Variants in ANKRD13C observed in about 807,000 individuals in gnomAD.
ANKRD13C encodes the protein ankyrin repeat domain-containing protein 13C.
Under a neutral mutation model 65.5 loss-of-function variants are expected in ANKRD13C, and 16 were observed. That is an observed-to-expected ratio of 0.24 (90% confidence interval 0.17 to 0.37). ANKRD13C has a LOEUF of 0.37. Among genes scored for constraint, ANKRD13C ranks in the 10% least tolerant of loss-of-function variants. ANKRD13C has a pLI of 1.00. For missense variants in ANKRD13C, 503 were observed against 655.9 expected (o/e 0.77, Z 2.55); for synonymous variants, 235 against 238.7 (o/e 0.98, Z 0.14).
intron 9 of ANKRD13C, among the ~76,000 whole-genome samples, chr1:70,284,850 TG>T (rs1159528769): frequency 3.9e-5 from 6 of 152,172 alleles, no homozygotes; most frequent in African/African-American, 1.4e-4. Flanking sequence ...AAAACTTTGT[TG>T]AGGTGTATAT....
At chr1:70,343,362 A>T (rs190024979) in intron 1 of ANKRD13C, among the ~76,000 whole-genome samples, 1 of 152,268 alleles carries the variant, frequency 6.6e-6, no homozygotes, top group East Asian at 1.9e-4. Context: ...TATGTCCTCA[A>T]CCTGCTGCTT....
intron 9 of ANKRD13C, among the ~76,000 whole-genome samples, chr1:70,281,467 A>T (rs1346230152): frequency 6.8e-6 from 1 of 147,232 alleles, no homozygotes; most frequent in Admixed American, 7.0e-5. Flanking sequence ...CAGTAACTCA[A>T]TCACACCAAA....
Position 70,354,700 on chromosome 1 carries a change from G to A in ANKRD13C, c.-292C>T, listed in dbSNP as rs1488084030. 4 of 745,264 alleles carry A rather than the reference G, an allele frequency of 5.4e-6. No individual in the cohort carries two copies. The highest frequency in any genetic ancestry group is 2.9e-5 in the Admixed American group (1 of 34,020). 46.2% of individuals were successfully genotyped at this position (745,264 alleles called of 1,614,324 possible). A position where few individuals can be genotyped will look rare whatever the true frequency, so the allele number is the denominator to read the frequency against. ...TCGCTGCCTTACACCGAAAAACAGGGCACGGCCATCTTCCTCTTGCTCCTC... is the reference window on the plus strand; with the variant it reads ...TCGCTGCCTTACACCGAAAAACAGGACACGGCCATCTTCCTCTTGCTCCTC... On this transcript the variant is annotated 5_prime_UTR_variant, in exon 1 of 13. Transcript: ENST00000370944.
intron 1 of ANKRD13C, among the ~76,000 whole-genome samples, chr1:70,352,934 T>G (rs1234489076): frequency 6.6e-6 from 1 of 152,236 alleles, no homozygotes; most frequent in African/African-American, 2.4e-5. Flanking sequence ...TTTTTTTATC[T>G]GAATTTTTGT....
In ANKRD13C at chr1:70,287,504, A is replaced by G. The variant is rs185372173; in HGVS notation, c.1215+4884T>C. 1.7e-3 allele frequency among the ~76,000 whole-genome samples: 257 copies of G among 152,314 alleles called. 1 individual carries two copies. The highest frequency in any genetic ancestry group is 5.5e-3 in the African/African-American group (229 of 41,584). ...ATATAAAACTTTTAGAAAAAAACACAGGAGAAAATTCTAGGAACCTGGAGC... is the reference window on the plus strand; with the variant it reads ...ATATAAAACTTTTAGAAAAAAACACGGGAGAAAATTCTAGGAACCTGGAGC... On this transcript the variant is annotated intron_variant, in intron 9 of 12. Transcript: ENST00000370944.
At chr1:70,321,515 T>G (rs1681304546) in intron 3 of ANKRD13C, among the ~76,000 whole-genome samples, 1 of 152,060 alleles carries the variant, frequency 6.6e-6, no homozygotes, top group Non-Finnish European at 1.5e-5. Context: ...AAAACTACCA[T>G]AACACAAGTA....
intron 6 of ANKRD13C, among the ~76,000 whole-genome samples, chr1:70,305,095 T>C (rs1680533906): frequency 6.6e-6 from 1 of 152,086 alleles, no homozygotes; most frequent in African/African-American, 2.4e-5. Context: ...CTATCTTTAT[T>C]ATCTAAAAAA....
intron 3 of ANKRD13C, among the ~76,000 whole-genome samples, 186 bp from the exon 4 acceptor site, chr1:70,315,752 G>A (rs1310553140): frequency 6.6e-6 from 1 of 152,102 alleles, no homozygotes; most frequent in Non-Finnish European, 1.5e-5. Context: ...AAAGAGCAAT[G>A]TTTAAATTAC....
At chr1:70,318,889 G>T (rs1048955106) in intron 3 of ANKRD13C, among the ~76,000 whole-genome samples, 1 of 151,896 alleles carries the variant, frequency 6.6e-6, no homozygotes, top group Non-Finnish European at 1.5e-5. Flanking sequence ...CACCATGTTG[G>T]CCAGGATGGT....
At chr1:70,313,527 C>CAACA (rs1318944980) in intron 5 of ANKRD13C, among the ~76,000 whole-genome samples, 2 of 69,110 alleles carry the variant, frequency 2.9e-5, no homozygotes, top group Non-Finnish European at 6.3e-5. Context: ...GAACTTGTCT[C>CAACA]AAAAAAAAAA....
chr1:70,301,194 T>C (rs1038403704), intron 6 of ANKRD13C, among the ~76,000 whole-genome samples: 8 of 146,782 alleles, frequency 5.5e-5, no homozygotes, highest in Admixed American at 6.6e-5. Context: ...TATATATATA[T>C]ACACATACAC....
chr1:70,352,015 G>C (rs1272151185), intron 1 of ANKRD13C, among the ~76,000 whole-genome samples: 1 of 152,092 alleles, frequency 6.6e-6, no homozygotes, highest in Non-Finnish European at 1.5e-5. Flanking sequence ...TATAAGGTCA[G>C]CTAAACACAA....
At chr1:70,316,540 A>C (rs1167253785) in intron 3 of ANKRD13C, among the ~76,000 whole-genome samples, 1 of 150,288 alleles carries the variant, frequency 6.7e-6, no homozygotes, top group East Asian at 1.9e-4. Flanking sequence ...AAAAAAAATT[A>C]GCCAGGGCTT....
intron 3 of ANKRD13C, among the ~76,000 whole-genome samples, chr1:70,323,973 G>A (rs989240753): frequency 6.6e-6 from 1 of 151,918 alleles, no homozygotes; most frequent in Non-Finnish European, 1.5e-5. Flanking sequence ...TGATCCACCC[G>A]CCTCAGCCTC....
chr1:70,302,885 G>A (rs1358166454), intron 6 of ANKRD13C, among the ~76,000 whole-genome samples: 2 of 151,946 alleles, frequency 1.3e-5, no homozygotes, highest in Non-Finnish European at 2.9e-5. Context: ...ATCAGGGAAT[G>A]TTATGCTCTA....
chr1:70,352,271 C>T (rs1374308005), intron 1 of ANKRD13C, among the ~76,000 whole-genome samples: 3 of 133,912 alleles, frequency 2.2e-5, no homozygotes, highest in African/African-American at 8.4e-5. Flanking sequence ...ACCCGGGAGG[C>T]GGAGCTTGCA....
chr1:70,272,345 C>A (rs902865307), intron 11 of ANKRD13C, among the ~76,000 whole-genome samples: 4 of 151,770 alleles, frequency 2.6e-5, no homozygotes, highest in Admixed American at 6.6e-5. Context: ...CTCAGCCTCC[C>A]GAGTAGCTGG....
intron 11 of ANKRD13C, among the ~76,000 whole-genome samples, chr1:70,274,117 A>C (rs934161400): frequency 5.9e-5 from 9 of 152,184 alleles, no homozygotes; most frequent in African/African-American, 2.2e-4. Context: ...TTATTCTGTA[A>C]ATTTCCATAC....
chr1:70,320,699 C>T (rs763391188), intron 3 of ANKRD13C, among the ~76,000 whole-genome samples: 10 of 152,008 alleles, frequency 6.6e-5, no homozygotes, highest in African/African-American at 2.4e-4. Context: ...TAATTTTCTA[C>T]GATGAATGTC....
Sources: allele counts gnomAD v4.1 joint callset (sites outside exome capture counted in the v4.1 genomes callset), GRCh38; gene constraint gnomAD v4.1.1; transcripts MANE v1.5; gene names NCBI Gene and HGNC (gene_info 2026-07-23, HGNC 2026-07-21).